Variants in APP observed in about 807,000 individuals in gnomAD.
APP encodes the protein amyloid-beta precursor protein.
A neutral mutation model predicts 101.4 loss-of-function variants in APP; 31 were observed. That is an observed-to-expected ratio of 0.31 (90% CI 0.23 to 0.41). The LOEUF is 0.41. Among genes scored for constraint, APP ranks in the 10% least tolerant of loss-of-function variants. The probability of loss-of-function intolerance (pLI) is 1.00; values close to 1 mark genes in which losing one functional copy is unlikely to be tolerated. For missense variants in APP, 839 were observed against 1,003.7 expected, an observed-to-expected ratio of 0.84 and a Z score of 2.22; for synonymous variants, 366 against 364.4, an observed-to-expected ratio of 1.00 and a Z score of -0.05.
At chr21:25,999,865 ACT>A (rs1339872610) in intron 7 of APP, 148 bp downstream of exon 7, 8 of 887,102 alleles carry the variant, frequency 9.0e-6, no homozygotes, top group South Asian at 1.4e-5. Context: ...TACTGCGGAG[ACT>A]CTGAGCAATT....
chr21:25,956,769 A>C (rs972366116), intron 11 of APP, among the ~76,000 whole-genome samples: 1 of 152,066 alleles, frequency 6.6e-6, no homozygotes, highest in Non-Finnish European at 1.5e-5. Flanking sequence ...TGTTATCCAT[A>C]TCCTATGGGA....
chr21:26,020,899 T>G (rs1026918789), intron 6 of APP, among the ~76,000 whole-genome samples: 4 of 152,208 alleles, frequency 2.6e-5, no homozygotes, highest in Non-Finnish European at 5.9e-5. Flanking sequence ...ACACAAACAT[T>G]AATTCAATAG....
At chr21:26,055,597 A>C (rs1297850016) in intron 3 of APP, among the ~76,000 whole-genome samples, 2 of 152,148 alleles carry the variant, frequency 1.3e-5, no homozygotes, top group Admixed American at 6.5e-5. Context: ...CTGATATCTG[A>C]GGCATCCCAA....
chr21:26,059,080 CA>C (rs1256243482), intron 3 of APP, among the ~76,000 whole-genome samples: 28 of 126,822 alleles, frequency 2.2e-4, no homozygotes, highest in East Asian at 4.4e-4. Context: ...GACTCCGTCT[CA>C]AAAAAAAAAA....
chr21:26,007,317 A>G (rs2043574657), intron 6 of APP, among the ~76,000 whole-genome samples: 1 of 149,222 alleles, frequency 6.7e-6, no homozygotes. Flanking sequence ...TCCACTAAGT[A>G]TACAAAACTT....
chr21:26,030,057 C>G (rs2044752979), intron 5 of APP, among the ~76,000 whole-genome samples: 2 of 152,178 alleles, frequency 1.3e-5, no homozygotes, highest in African/African-American at 2.4e-5. Flanking sequence ...AAAAGACAAT[C>G]TCTCTTTACT....
intron 1 of APP, among the ~76,000 whole-genome samples, chr21:26,128,061 T>C (rs993498277): frequency 6.6e-6 from 1 of 152,200 alleles, no homozygotes; most frequent in Non-Finnish European, 1.5e-5. Flanking sequence ...TATGACACAC[T>C]GGTTTAAAGA....
chr21:25,893,394 G>C (rs1256234716), intron 16 of APP, among the ~76,000 whole-genome samples: 1 of 152,210 alleles, frequency 6.6e-6, no homozygotes, highest in Non-Finnish European at 1.5e-5. Flanking sequence ...TAAGCTTAGT[G>C]GGCAAGGCAT....
chr21:26,099,037 T>C (rs1266657198), intron 2 of APP, among the ~76,000 whole-genome samples: 3 of 152,120 alleles, frequency 2.0e-5, no homozygotes, highest in East Asian at 1.9e-4. Flanking sequence ...GATGGGAGGG[T>C]TCATTTTACT....
At chr21:26,080,400 A>C (rs1489482928) in intron 3 of APP, among the ~76,000 whole-genome samples, 1 of 152,072 alleles carries the variant, frequency 6.6e-6, no homozygotes, top group Non-Finnish European at 1.5e-5. Flanking sequence ...TCATTTTTTA[A>C]GTTTTTTTTT....
chr21:25,893,246 A>T (rs2146244714), intron 16 of APP, among the ~76,000 whole-genome samples: 1 of 152,184 alleles, frequency 6.6e-6, no homozygotes, highest in South Asian at 2.1e-4. Context: ...CCACCCCCTC[A>T]ACTCCCAGGC....
chr21:25,904,900 G>C, intron 15 of APP, 124 bp downstream of exon 15: 1 of 835,834 alleles, frequency 1.2e-6, no homozygotes. Flanking sequence ...GGTTTCTAAG[G>C]TCACTTCAAA....
At chr21:25,888,304 T>C (rs2037471845) in intron 17 of APP, among the ~76,000 whole-genome samples, 1 of 152,146 alleles carries the variant, frequency 6.6e-6, no homozygotes, top group African/African-American at 2.4e-5. Flanking sequence ...GCTGGAATGC[T>C]AAGAAAAATG....
intron 9 of APP, among the ~76,000 whole-genome samples, chr21:25,976,305 CATTTG>C (rs45536533): frequency 0.011 from 1,656 of 152,102 alleles, 23 homozygotes; most frequent in African/African-American, 0.037. Context: ...AACTGACAGT[CATTTG>C]ATTTGATGTG....
intron 11 of APP, among the ~76,000 whole-genome samples, chr21:25,973,482 AT>A (rs1304680827): frequency 1.3e-5 from 2 of 152,246 alleles, no homozygotes; most frequent in Non-Finnish European, 2.9e-5. Context: ...TAAAAAGATC[AT>A]TTCATAAGAA....
intron 1 of APP, among the ~76,000 whole-genome samples, chr21:26,163,074 A>AC (rs11373472): frequency 0.11 from 15,762 of 148,930 alleles, 1,146 homozygotes; most frequent in South Asian, 0.17. Context: ...CTAAAAAAAA[A>AC]AAAAACAAAA....
At chr21:25,933,957 T>C (rs2040254706) in intron 13 of APP, 1 of 152,208 alleles carries the variant, frequency 6.6e-6, no homozygotes, top group Non-Finnish European at 1.5e-5. Context: ...AAAATATATG[T>C]TGAAGTCCTA....
At chr21:26,094,476 A>G (rs528703391) in intron 2 of APP, among the ~76,000 whole-genome samples, 1 of 151,994 alleles carries the variant, frequency 6.6e-6, no homozygotes, top group Non-Finnish European at 1.5e-5. Context: ...AAAATTCCCA[A>G]TATCATCCCT....
rs1291743395 is a variant in APP at position 26,157,365 on chromosome 21, C to T, written c.57+13199G>A. On this transcript the variant is annotated intron_variant, in intron 1 of 17. Coordinates refer to ENST00000346798, the MANE Select transcript of APP (RefSeq NM_000484.4). ...GATTACAGGTGTGAGCCACCGTGCC[C>T]GGCCTTTTTGATTACTCTTAAAACT... Among the ~76,000 whole-genome samples the T allele has an allele frequency of 2.6e-5, 4 of 152,042 alleles. No homozygotes were observed. In the South Asian group the frequency reaches 6.2e-4, roughly 24 times the overall value.
Sources: allele counts gnomAD v4.1 joint callset (sites outside exome capture counted in the v4.1 genomes callset), GRCh38; gene constraint gnomAD v4.1.1; transcripts MANE v1.5; gene names NCBI Gene and HGNC (gene_info 2026-07-23, HGNC 2026-07-21).